The following TMEM132C variants were observed in gnomAD, a reference collection of about 807,000 sequenced individuals.
The protein encoded by TMEM132C is protein phosphatase 1, regulatory subunit 152.
In TMEM132C, 29 loss-of-function variants were observed where a neutral mutation model predicts 61.4. That is an observed-to-expected ratio of 0.47 (90% CI 0.35 to 0.64). The LOEUF is 0.64. Among genes scored for constraint, TMEM132C ranks in the 30% least tolerant of loss-of-function variants. The pLI, the probability that TMEM132C is intolerant of heterozygous loss-of-function variation, is 0.00. For synonymous variants in TMEM132C, 656 were observed against 633.1 expected, an observed-to-expected ratio of 1.04 and a Z score of -0.54; for missense variants, 1,408 against 1,476.9, an observed-to-expected ratio of 0.95 and a Z score of 0.76.
intron 1 of TMEM132C, among the ~76,000 whole-genome samples, chr12:128,379,332 G>T (rs543558686): frequency 2.6e-5 from 4 of 152,316 alleles, no homozygotes; most frequent in African/African-American, 7.2e-5. Context: ...CCCCCATGTT[G>T]TTTTGGTCAA....
chr12:128,304,411 C>A (rs10847598), intron 1 of TMEM132C, among the ~76,000 whole-genome samples: 16,688 of 151,728 alleles, frequency 0.11, 1,105 homozygotes, highest in East Asian at 0.32. Context: ...AATTCAAGAC[C>A]AGCCTGGCCA....
intron 4 of TMEM132C, among the ~76,000 whole-genome samples, chr12:128,637,888 C>T (rs1954115693): frequency 6.6e-6 from 1 of 152,302 alleles, no homozygotes; most frequent in East Asian, 1.9e-4. Flanking sequence ...TGCAGCCTTG[C>T]ATATCTAGGT....
At chr12:128,640,684 C>A (rs1491003123) in intron 4 of TMEM132C, among the ~76,000 whole-genome samples, 2 of 152,158 alleles carry the variant, frequency 1.3e-5, no homozygotes, top group African/African-American at 4.8e-5. Flanking sequence ...TCACTTGAAC[C>A]CAGGAGTTCA....
chr12:128,554,511 T>C (rs1874271727), intron 3 of TMEM132C, among the ~76,000 whole-genome samples: 2 of 152,232 alleles, frequency 1.3e-5, no homozygotes, highest in African/African-American at 4.8e-5. Flanking sequence ...ACAAAACGTA[T>C]ATTGTTCAGG....
At chr12:128,453,585 G>A (rs1300798270) in intron 2 of TMEM132C, among the ~76,000 whole-genome samples, 1 of 152,166 alleles carries the variant, frequency 6.6e-6, no homozygotes, top group Non-Finnish European at 1.5e-5. Context: ...TGGGAGCAGT[G>A]ACAAAGTCAT....
intron 3 of TMEM132C, among the ~76,000 whole-genome samples, chr12:128,573,438 A>G (rs1593104580): frequency 7.0e-6 from 1 of 142,996 alleles, no homozygotes; most frequent in African/African-American, 2.5e-5. Flanking sequence ...AACATCACAC[A>G]CCGGGGCCTG....
chr12:128,287,897 C>T (rs1024002743), intron 1 of TMEM132C, among the ~76,000 whole-genome samples: 1 of 152,030 alleles, frequency 6.6e-6, no homozygotes, highest in Non-Finnish European at 1.5e-5. Flanking sequence ...GAAGAATGTC[C>T]CTCAATTTGA....
intron 1 of TMEM132C, among the ~76,000 whole-genome samples, chr12:128,313,602 G>A (rs9804832): frequency 6.6e-6 from 1 of 152,014 alleles, no homozygotes; most frequent in Admixed American, 6.5e-5. Context: ...TTTTCTCCAA[G>A]GTCCTGCAGG....
chr12:128,520,468 C>T (rs1189436719), intron 2 of TMEM132C, among the ~76,000 whole-genome samples: 1 of 152,152 alleles, frequency 6.6e-6, no homozygotes, highest in Non-Finnish European at 1.5e-5. Context: ...CTTCCACTGG[C>T]TGGGAGACAG....
chr12:128,438,581 C>G (rs1869676023), intron 2 of TMEM132C, among the ~76,000 whole-genome samples: 1 of 152,128 alleles, frequency 6.6e-6, no homozygotes, highest in African/African-American at 2.4e-5. Flanking sequence ...ACAAAATGTA[C>G]TAAGAACACC....
intron 3 of TMEM132C, among the ~76,000 whole-genome samples, chr12:128,596,189 T>G (rs1374013759): frequency 6.6e-6 from 1 of 151,330 alleles, no homozygotes; most frequent in African/African-American, 2.4e-5. Flanking sequence ...CCGTGTTCTC[T>G]CCATCACACT....
intron 3 of TMEM132C, among the ~76,000 whole-genome samples, chr12:128,557,996 G>A (rs564833364): frequency 2.5e-4 from 38 of 152,274 alleles, no homozygotes; most frequent in Non-Finnish European, 3.7e-4. Flanking sequence ...GAAGTCGCGC[G>A]GTTTCGCGCA....
chr12:128,299,210 C>T (rs571502410), intron 1 of TMEM132C, among the ~76,000 whole-genome samples: 4 of 152,178 alleles, frequency 2.6e-5, no homozygotes, highest in Non-Finnish European at 4.4e-5. Flanking sequence ...TCATGAGACT[C>T]ACTGTCCCAG....
chr12:128,421,683 A>G (rs1255556720), intron 2 of TMEM132C, among the ~76,000 whole-genome samples: 2 of 152,216 alleles, frequency 1.3e-5, no homozygotes, highest in Non-Finnish European at 2.9e-5. Flanking sequence ...CTCGCTTTAT[A>G]ATCAAATTAG....
chr12:128,355,954 A>C (rs570757637), intron 1 of TMEM132C, among the ~76,000 whole-genome samples: 49 of 152,030 alleles, frequency 3.2e-4, no homozygotes, highest in Admixed American at 2.8e-3. Flanking sequence ...GTATTTTACT[A>C]TTTATCTTTC....
intron 1 of TMEM132C, among the ~76,000 whole-genome samples, chr12:128,372,942 G>A (rs1874073776): frequency 6.6e-6 from 1 of 152,216 alleles, no homozygotes; most frequent in Admixed American, 6.5e-5. Context: ...TATAGGGGCT[G>A]ATATGACACA....
chr12:128,372,012 A>T (rs1874041707), intron 1 of TMEM132C, among the ~76,000 whole-genome samples: 1 of 152,206 alleles, frequency 6.6e-6, no homozygotes, highest in Non-Finnish European at 1.5e-5. Flanking sequence ...CAGTCTTACG[A>T]TCTGCATCAC....
chr12:128,322,601 G>A (rs147460021), intron 1 of TMEM132C, among the ~76,000 whole-genome samples: 5 of 152,184 alleles, frequency 3.3e-5, no homozygotes, highest in African/African-American at 4.8e-5. Context: ...CTTTTCGCAC[G>A]CCCGTCACTC....
chr12:128,341,515 A>T (rs1200686147), intron 1 of TMEM132C, among the ~76,000 whole-genome samples: 1 of 152,230 alleles, frequency 6.6e-6, no homozygotes, highest in Non-Finnish European at 1.5e-5. Flanking sequence ...GTCAGGACTC[A>T]GTCAACATTA....
Sources: gnomAD v4.1 joint callset for allele counts (sites outside exome capture counted in the v4.1 genomes callset) on GRCh38, gnomAD v4.1.1 for gene constraint, MANE v1.5 for transcripts, NCBI Gene and HGNC (gene_info 2026-07-23, HGNC 2026-07-21) for gene names.